EBF2: variants seen among roughly 807,000 people sequenced by gnomAD.
EBF2 encodes EBF transcription factor 2.
EBF2 carries 21 observed loss-of-function variants against 72.8 expected under a neutral mutation model. The ratio of observed to expected loss-of-function variants is 0.29; its 90% CI spans 0.20 to 0.42. The LOEUF is 0.42. EBF2 is among the 10% of genes least tolerant of loss of function. The pLI is 1.00. For missense variants in EBF2, 637 were observed against 731.2 expected, an observed-to-expected ratio of 0.87 and a Z score of 1.49; for synonymous variants, 299 against 274.2, an observed-to-expected ratio of 1.09 and a Z score of -0.89.
At chr8:26,037,122 C>G (rs1805515855) in intron 5 of EBF2, among the ~76,000 whole-genome samples, 1 of 152,106 alleles carries the variant, frequency 6.6e-6, no homozygotes, top group South Asian at 2.1e-4. Context: ...TCAATTTATT[C>G]TCCCCATCTC....
At chr8:25,881,085 G>T (rs1240921238) in intron 10 of EBF2, among the ~76,000 whole-genome samples, 1 of 152,052 alleles carries the variant, frequency 6.6e-6, no homozygotes, top group Non-Finnish European at 1.5e-5. Flanking sequence ...ATCATTTCTG[G>T]CCTGGGCCAC....
chr8:25,944,577 T>A lies in EBF2; in HGVS notation c.552-36022A>T, dbSNP rs1022515519. On this transcript the variant is annotated intron_variant, in intron 6 of 15. Transcript: ENST00000520164. ...TACACAATTATTTATATATTGAATATATTACAATATTAATACAGTCTATAA... is the reference window on the plus strand; with the variant it reads ...TACACAATTATTTATATATTGAATAAATTACAATATTAATACAGTCTATAA... Among the ~76,000 whole-genome samples the A allele has an allele frequency of 1.1e-4, 16 of 148,800 alleles. No homozygotes were observed. The Admixed American group carries it at 1.1e-3, about 10-fold the overall frequency.
At chr8:25,909,467 C>T (rs774271522) in intron 6 of EBF2, among the ~76,000 whole-genome samples, 1 of 151,746 alleles carries the variant, frequency 6.6e-6, no homozygotes, top group Non-Finnish European at 1.5e-5. Context: ...GGCCTATTTC[C>T]CTTTCTGTTA....
intron 7 of EBF2, among the ~76,000 whole-genome samples, chr8:25,902,904 T>C (rs560360123): frequency 6.6e-6 from 1 of 152,138 alleles, no homozygotes; most frequent in Admixed American, 6.5e-5. Context: ...AAATCAGAGA[T>C]GGGTGTGTGG....
intron 6 of EBF2, among the ~76,000 whole-genome samples, chr8:26,030,919 ACTTT>A (rs1476089481): frequency 3.9e-5 from 6 of 152,248 alleles, no homozygotes; most frequent in Admixed American, 2.6e-4. Flanking sequence ...ACACAAAGAT[ACTTT>A]CTTTTGTACA....
At chr8:26,020,292 CA>C (rs1370804182) in intron 6 of EBF2, among the ~76,000 whole-genome samples, 1 of 152,186 alleles carries the variant, frequency 6.6e-6, no homozygotes, top group Non-Finnish European at 1.5e-5. Flanking sequence ...AAAATCCCAG[CA>C]GACTTCCAGT....
At chr8:26,012,712 AGATTTCAAACAGGT>A (rs1238687628) in intron 6 of EBF2, among the ~76,000 whole-genome samples, 1 of 152,218 alleles carries the variant, frequency 6.6e-6, no homozygotes, top group Non-Finnish European at 1.5e-5. Flanking sequence ...GGTGTTTGCC[AGATTTCAAACAGGT>A]GATCCTAGCA....
At chr8:25,882,522 A>C (rs558365311) in intron 10 of EBF2, among the ~76,000 whole-genome samples, 35 of 152,230 alleles carry the variant, frequency 2.3e-4, no homozygotes, top group African/African-American at 7.2e-4. Context: ...AGAGTATTTG[A>C]CCGTGGAAAT....
chr8:26,031,257 G>A lies in EBF2; in HGVS notation c.551+1828C>T, dbSNP rs183982859. The stretch of plus-strand genomic sequence containing the variant: ...GGCCGGAAAGGACAGGGTCTAGGCT[G>A]CTCTCATATGCATCCAGTCTCCCAG... On this transcript the variant is annotated intron_variant, in intron 6 of 15. Coordinates refer to ENST00000520164, the MANE Select transcript of EBF2 (RefSeq NM_022659.4). 1.3e-3 allele frequency among the ~76,000 whole-genome samples: 191 copies of A among 152,152 alleles called. 1 individual carries two copies. Among genetic ancestry groups the A allele is most frequent in the African/African-American group, 4.5e-3 (185 of 41,508 alleles).
chr8:25,857,292 C>T (rs909176039), intron 14 of EBF2, among the ~76,000 whole-genome samples: 1 of 151,906 alleles, frequency 6.6e-6, no homozygotes, highest in Non-Finnish European at 1.5e-5. Context: ...AACTGATAAT[C>T]CAGAAATAGC....
chr8:26,008,382 G>T (rs967799390), intron 6 of EBF2, among the ~76,000 whole-genome samples: 13 of 152,094 alleles, frequency 8.5e-5, no homozygotes, highest in African/African-American at 2.9e-4. Flanking sequence ...AGCCTCAGCT[G>T]GGAAGGACCT....
At position 26,005,561 on chromosome 8, in the gene EBF2, T is replaced by TATAGAGAG. The variant is rs375386709; in HGVS notation, c.551+27523_551+27524insCTCTCTAT. ...TATATTTTATATATATATATATATA[T>TATAGAGAG]AGAGAGAGAGAGAGAGAGGTATTTT... On this transcript the variant is annotated intron_variant, in intron 6 of 15. Transcript: ENST00000520164. 3.6e-3 allele frequency among the ~76,000 whole-genome samples: 232 copies of TATAGAGAG among 63,880 alleles called. 4 individuals are homozygous for TATAGAGAG. The highest frequency in any genetic ancestry group is 0.014 in the South Asian group (28 of 2,062). The allele number at this position is 63,880 out of a possible 152,430, so 41.9% of individuals were successfully genotyped here.
At chr8:26,034,981 G>C (rs1274068730) in intron 5 of EBF2, among the ~76,000 whole-genome samples, 3 of 152,268 alleles carry the variant, frequency 2.0e-5, no homozygotes, top group Admixed American at 1.3e-4. Flanking sequence ...TATGAATAAA[G>C]TGAAAGTGTT....
At chr8:25,887,756 T>A in intron 9 of EBF2, 86 bp downstream of exon 9, 1 of 1,399,142 alleles carries the variant, frequency 7.1e-7, no homozygotes, top group Non-Finnish European at 9.4e-7. Context: ...TTATGCTTTT[T>A]TACCCTTGGT....
At position 25,916,325 on chromosome 8, in the gene EBF2, A is replaced by C. The variant is rs572266549; in HGVS notation, c.552-7770T>G. 2.1e-3 allele frequency among the ~76,000 whole-genome samples: 316 copies of C among 152,044 alleles called. 2 individuals carry two copies. The highest frequency in any genetic ancestry group is 4.0e-3 in the Non-Finnish European group (269 of 67,978). On this transcript the variant is annotated intron_variant, in intron 6 of 15. Transcript: ENST00000520164. Reference sequence around the variant, plus strand: ...AAGCAAAAAACCCAAAAAAAACAAAAAACAACAACAACAAAAAAACACTTT... The same window carrying C: ...AAGCAAAAAACCCAAAAAAAACAAACAACAACAACAACAAAAAAACACTTT...
At chr8:25,917,199 G>GTT (rs3034248) in intron 6 of EBF2, among the ~76,000 whole-genome samples, 72,560 of 142,968 alleles carry the variant, frequency 0.51, 20,363 homozygotes, top group East Asian at 0.63. Flanking sequence ...GTGGTTTGGG[G>GTT]TTTTTTTTTT....
chr8:25,980,413 T>G (rs1023677215), intron 6 of EBF2, among the ~76,000 whole-genome samples: 1 of 151,966 alleles, frequency 6.6e-6, no homozygotes, highest in African/African-American at 2.4e-5. Flanking sequence ...GCAACAATGG[T>G]AAGCGTGCTG....
intron 10 of EBF2, among the ~76,000 whole-genome samples, chr8:25,885,096 A>G (rs1415025212): frequency 6.6e-6 from 1 of 151,954 alleles, no homozygotes; most frequent in African/African-American, 2.4e-5. Context: ...TCTTTATATT[A>G]ACACCATTTC....
intron 10 of EBF2, among the ~76,000 whole-genome samples, chr8:25,868,003 A>ATG (rs1180515913): frequency 7.2e-5 from 11 of 152,340 alleles, no homozygotes; most frequent in African/African-American, 2.4e-4. Context: ...GCCCACTGAA[A>ATG]TGTACACAAA....
Sources: gnomAD v4.1 joint callset for allele counts (sites outside exome capture counted in the v4.1 genomes callset) on GRCh38, gnomAD v4.1.1 for gene constraint, MANE v1.5 for transcripts, NCBI Gene and HGNC (gene_info 2026-07-23, HGNC 2026-07-21) for gene names.